The following MACROD2 variants were observed in gnomAD, a reference collection of about 807,000 sequenced individuals.
MACROD2 encodes the protein mono-ADP ribosylhydrolase 2.
A neutral mutation model predicts 70.4 loss-of-function variants in MACROD2; 36 were observed. That is an observed-to-expected ratio of 0.51 (90% confidence interval 0.39 to 0.68). MACROD2 has a LOEUF of 0.68. Among genes scored for constraint, MACROD2 ranks in the 30% least tolerant of loss-of-function variants. The pLI is 0.00. For synonymous variants in MACROD2, 172 were observed against 178.8 expected (o/e 0.96, Z 0.30); for missense variants, 496 against 538.4 (o/e 0.92, Z 0.78).
chr20:15,522,923 C>T lies in MACROD2; in HGVS notation c.645+23076C>T, dbSNP rs996337913. Among the ~76,000 whole-genome samples, 3 of 152,114 alleles carry T rather than the reference C, an allele frequency of 2.0e-5. No individual in the cohort carries two copies. The East Asian group carries it at 5.8e-4, about 29-fold the overall frequency. Reference sequence around the variant, plus strand: ...CAGTATGACACAAATTCACTTTCTGCCACCTCTTGGGTAGTCCATCTATCT... The same window carrying T: ...CAGTATGACACAAATTCACTTTCTGTCACCTCTTGGGTAGTCCATCTATCT... On this transcript the variant is annotated intron_variant, in intron 8 of 17. Transcript: ENST00000684519.
chr20:15,518,771 G>A (rs960533395), intron 8 of MACROD2, among the ~76,000 whole-genome samples: 20 of 152,180 alleles, frequency 1.3e-4, no homozygotes, highest in African/African-American at 4.8e-4. Context: ...GGCTGAGGCA[G>A]GAGGATTGCT....
chr20:15,935,682 C>G (rs2065647824), intron 11 of MACROD2, among the ~76,000 whole-genome samples: 1 of 152,118 alleles, frequency 6.6e-6, no homozygotes, highest in South Asian at 2.1e-4. Flanking sequence ...AAAAATTTAA[C>G]AAATACATAT....
chr20:15,977,602 AGAC>A (rs2066327215), intron 13 of MACROD2, among the ~76,000 whole-genome samples: 1 of 152,244 alleles, frequency 6.6e-6, no homozygotes, highest in Non-Finnish European at 1.5e-5. Context: ...CCAATTAAAT[AGAC>A]ATTGATTGAT....
At chr20:14,376,812 T>C (rs926362942) in intron 3 of MACROD2, among the ~76,000 whole-genome samples, 1 of 150,620 alleles carries the variant, frequency 6.6e-6, no homozygotes, top group Non-Finnish European at 1.5e-5. Context: ...ACCCTTTGAC[T>C]CTTTGGAACC....
intron 5 of MACROD2, among the ~76,000 whole-genome samples, chr20:14,980,601 G>A (rs1052179775): frequency 1.1e-4 from 16 of 152,074 alleles, no homozygotes; most frequent in African/African-American, 3.4e-4. Flanking sequence ...TATGTAATTG[G>A]CCAAGTGAAA....
chr20:14,348,355 A>T (rs541898918), intron 3 of MACROD2, among the ~76,000 whole-genome samples: 57 of 152,188 alleles, frequency 3.7e-4, no homozygotes, highest in African/African-American at 1.3e-3. Flanking sequence ...AAATTCTGTG[A>T]CATTAAGGGT....
chr20:14,409,446 A>ATTATTG (rs2083726182), intron 3 of MACROD2, among the ~76,000 whole-genome samples: 1 of 151,640 alleles, frequency 6.6e-6, no homozygotes, highest in Admixed American at 6.6e-5. Flanking sequence ...TATTATTATT[A>ATTATTG]TTCCCTTTGT....
At chr20:15,501,559 C>A (rs1169530365) in intron 8 of MACROD2, among the ~76,000 whole-genome samples, 1 of 152,090 alleles carries the variant, frequency 6.6e-6, no homozygotes, top group African/African-American at 2.4e-5. Context: ...ACTTGCCTAC[C>A]CTATCTTTGA....
chr20:15,525,790 A>G (rs2047713540), intron 8 of MACROD2, among the ~76,000 whole-genome samples: 1 of 152,068 alleles, frequency 6.6e-6, no homozygotes, highest in Admixed American at 6.5e-5. Context: ...TGACTATTCA[A>G]CCTCTTTTTA....
At chr20:15,067,382 C>G (rs966087734) in intron 5 of MACROD2, among the ~76,000 whole-genome samples, 1 of 152,138 alleles carries the variant, frequency 6.6e-6, no homozygotes, top group Non-Finnish European at 1.5e-5. Context: ...TGGAGTCTCA[C>G]TCTGTTGCTC....
chr20:15,991,058 A>T (rs2066551348), intron 15 of MACROD2, among the ~76,000 whole-genome samples: 1 of 30,840 alleles, frequency 3.2e-5, no homozygotes, highest in Non-Finnish European at 9.9e-5. Flanking sequence ...AGGCCAGGCA[A>T]AAAAAAATCA....
chr20:15,403,668 G>T (rs953150776), intron 6 of MACROD2, among the ~76,000 whole-genome samples: 1 of 151,578 alleles, frequency 6.6e-6, no homozygotes, highest in South Asian at 2.1e-4. Context: ...GTTTTCTGGA[G>T]ATTTTATAAA....
chr20:14,821,147 T>G (rs543089590), intron 5 of MACROD2, among the ~76,000 whole-genome samples: 15 of 152,208 alleles, frequency 9.9e-5, no homozygotes, highest in Admixed American at 8.5e-4. Flanking sequence ...CTTTGGCATA[T>G]TGACACTGGA....
At chr20:15,666,939 A>T (rs541518208) in intron 8 of MACROD2, among the ~76,000 whole-genome samples, 3 of 152,362 alleles carry the variant, frequency 2.0e-5, no homozygotes, top group Admixed American at 2.0e-4. Context: ...TAGTGCAGTG[A>T]ACAGATATGT....
At chr20:14,204,218 C>T (rs1302143488) in intron 3 of MACROD2, among the ~76,000 whole-genome samples, 1 of 152,178 alleles carries the variant, frequency 6.6e-6, no homozygotes, top group Non-Finnish European at 1.5e-5. Context: ...CTTCAACTTC[C>T]TTTGTCCCAG....
At chr20:14,790,559 T>C (rs1478140118) in intron 5 of MACROD2, among the ~76,000 whole-genome samples, 1 of 152,134 alleles carries the variant, frequency 6.6e-6, no homozygotes, top group Non-Finnish European at 1.5e-5. Flanking sequence ...CATATTGTGC[T>C]GAGGCTTTTC....
chr20:15,051,259 C>T lies in MACROD2; in HGVS notation c.419-178681C>T, dbSNP rs2075437649. Among the ~76,000 whole-genome samples, 3 of 151,500 alleles carry T rather than the reference C, an allele frequency of 2.0e-5. No individual in the cohort carries two copies. In the South Asian group the frequency reaches 6.2e-4, roughly 31 times the overall value. ...GGAACATTTTTTGATATCCATTTTTCGTTTACTTGGCTAGTTTCCCCCAAC... is the reference window on the plus strand; with the variant it reads ...GGAACATTTTTTGATATCCATTTTTTGTTTACTTGGCTAGTTTCCCCCAAC... On this transcript the variant is annotated intron_variant, in intron 5 of 17. Coordinates refer to ENST00000684519, the MANE Select transcript of MACROD2 (RefSeq NM_001351661.2).
intron 5 of MACROD2, among the ~76,000 whole-genome samples, chr20:15,085,575 AG>A (rs1184836102): frequency 1.3e-5 from 2 of 152,034 alleles, no homozygotes; most frequent in Non-Finnish European, 1.5e-5. Context: ...TTTAATCATG[AG>A]GGGGACATGG....
At position 15,487,448 on chromosome 20, in the gene MACROD2, T is replaced by C. The variant is rs956772467; in HGVS notation, c.572-12326T>C. Among the ~76,000 whole-genome samples, 7 of 152,344 alleles carry C rather than the reference T, an allele frequency of 4.6e-5. No individual in the cohort carries two copies. In the South Asian group the frequency reaches 1.4e-3, roughly 32 times the overall value. ...TTAATTATATCATATAATGTACTTTTAATCACAAAATTGTATCCAATTATG... is the reference window on the plus strand; with the variant it reads ...TTAATTATATCATATAATGTACTTTCAATCACAAAATTGTATCCAATTATG... On this transcript the variant is annotated intron_variant, in intron 7 of 17. Coordinates refer to ENST00000684519, the MANE Select transcript of MACROD2 (RefSeq NM_001351661.2).
Sources: gnomAD v4.1 joint callset for allele counts (sites outside exome capture counted in the v4.1 genomes callset) on GRCh38, gnomAD v4.1.1 for gene constraint, MANE v1.5 for transcripts, NCBI Gene and HGNC (gene_info 2026-07-23, HGNC 2026-07-21) for gene names.